The following CARNS1 variants were observed in gnomAD, a reference collection of about 807,000 sequenced individuals.
CARNS1 encodes the protein carnosine synthase 1, also known as ATP-grasp domain containing 1.
Under a neutral mutation model 74.0 loss-of-function variants are expected in CARNS1, and 61 were observed. That is an observed-to-expected ratio of 0.82 (90% CI 0.67 to 1.02). The LOEUF is 1.02. Among genes scored for constraint, CARNS1 ranks in the 50% least tolerant of loss-of-function variants. The pLI, the probability that CARNS1 is intolerant of heterozygous loss-of-function variation, is 0.00. For missense variants in CARNS1, 1,278 were observed against 1,308.4 expected, an observed-to-expected ratio of 0.98 and a Z score of 0.36; for synonymous variants, 568 against 605.5, an observed-to-expected ratio of 0.94 and a Z score of 0.91.
rs183572582 is a variant in CARNS1, at chr11:67,417,784, G to T, written c.274+107G>T. The T allele has an allele frequency of 8.6e-6, 7 of 814,504 alleles. No homozygotes were observed. The African/African-American group carries it at 1.1e-4, about 12-fold the overall frequency. 50.5% of individuals were successfully genotyped at this position (814,504 alleles called of 1,614,324 possible). ...AGGTCGGCCCCTTCCCCTAGGCTCT[G>T]GTTCCATCTGAAGGCAGGGAAGGCA... On this transcript the variant is annotated intron_variant, in intron 3 of 9. Transcript: ENST00000687366.
chr11:67,424,632 T>G lies in CARNS1; in HGVS notation c.*31T>G, dbSNP rs1331382068. ...GGGTCAGGGGGCAGGGAAGCAGTGCTGGGTGGAGGCACTGTGGTGCCCTCT... is the reference window on the plus strand; with the variant it reads ...GGGTCAGGGGGCAGGGAAGCAGTGCGGGGTGGAGGCACTGTGGTGCCCTCT... On this transcript the variant is annotated 3_prime_UTR_variant, in exon 10 of 10. Transcript: ENST00000687366. 1 of 1,574,070 alleles carries G rather than the reference T, an allele frequency of 6.4e-7. No individual in the cohort carries two copies. Among genetic ancestry groups the G allele is most frequent in the Non-Finnish European group, 8.6e-7 (1 of 1,160,476 alleles).
chr11:67,422,201 T>TTTTTTA (rs1863727905), intron 9 of CARNS1, among the ~76,000 whole-genome samples: 1 of 130,764 alleles, frequency 7.6e-6, no homozygotes, highest in African/African-American at 2.9e-5. Flanking sequence ...TTTTTTTTTT[T>TTTTTTA]AATACGGAGT....
At position 67,424,377 on chromosome 11, in the gene CARNS1, G is replaced by A. The variant is rs766906214; in HGVS notation, c.2629G>A (p.Ala877Thr). 28 of 1,594,818 alleles carry A rather than the reference G, an allele frequency of 1.8e-5. No individual in the cohort carries two copies. In the East Asian group the frequency reaches 2.5e-4, roughly 14 times the overall value. The change falls in exon 10 of 10, where the codon GCC (alanine) becomes ACC (threonine). Residue 877 changes from alanine to threonine, a missense_variant. Physicochemically the swap from Ala to Thr is moderately conservative, Grantham distance 58. Transcript: ENST00000687366. ...SQHLQALSST[A>T]SRETLQALHD... ...GCACCTGCAGGCCCTGAGTTCCACC[G>A]CCAGCCGTGAGACCCTGCAGGCCCT...
chr11:67,415,918 C>A (rs1035620760), intron 1 of CARNS1, among the ~76,000 whole-genome samples, 155 bp downstream of exon 1: 4 of 151,988 alleles, frequency 2.6e-5, no homozygotes, highest in Non-Finnish European at 4.4e-5. Context: ...CAACTCCCCC[C>A]CGCGCTGGAG....
At chr11:67,422,924 T>C (rs1054937025) in intron 9 of CARNS1, among the ~76,000 whole-genome samples, 1 of 152,238 alleles carries the variant, frequency 6.6e-6, no homozygotes, top group African/African-American at 2.4e-5. Flanking sequence ...GATTCCTCCG[T>C]GGACACTTCC....
intron 7 of CARNS1, 119 bp downstream of exon 7, chr11:67,419,957 G>T: frequency 2.0e-6 from 2 of 1,010,320 alleles, no homozygotes; most frequent in Non-Finnish European, 2.9e-6. Context: ...ATCCTTAGGG[G>T]GGTCGTAGTT....
At position 67,424,505 on chromosome 11, in the gene CARNS1, C is replaced by T; in HGVS notation, c.2757C>T (p.Pro919=). The T allele has an allele frequency of 6.3e-7, 1 of 1,589,900 alleles. No homozygotes were observed. The highest frequency in any genetic ancestry group is 1.1e-5 in the South Asian group (1 of 87,916). ...YCSVACAGPS[P]TEARLRLLGL... is the part of the protein sequence containing the mutation. Reference sequence around the variant, plus strand: ...GTGTGGCCTGTGCCGGACCCAGCCCCACCGAGGCCCGTCTCCGCCTGCTGG... The same window carrying T: ...GTGTGGCCTGTGCCGGACCCAGCCCTACCGAGGCCCGTCTCCGCCTGCTGG... Residue 919 remains proline (P), a synonymous_variant, in exon 10 of 10, where the codon CCC becomes CCT. Transcript: ENST00000687366.
chr11:67,418,366 T>G, intron 3 of CARNS1, 65 bp from the exon 4 acceptor site: 2 of 1,199,830 alleles, frequency 1.7e-6, no homozygotes, highest in South Asian at 1.7e-5. Flanking sequence ...GTGGAGGTGG[T>G]GGAAGGTGGG....
At position 67,423,796 on chromosome 11, in the gene CARNS1, T is replaced by G; in HGVS notation, c.2048T>G (p.Val683Gly). The change falls in exon 10 of 10, where the codon GTG becomes GGG. Residue 683 changes from valine to glycine, a missense_variant. Coordinates refer to ENST00000687366, the MANE Select transcript of CARNS1 (RefSeq NM_001166222.2). The surrounding 1 kb of genome is among the most constrained non-coding windows in gnomAD (Gnocchi z 5.1). ...VMKLEFGAGA[V>G]GVRLVEDAPQ... is the part of the protein sequence containing the mutation. Reference sequence around the variant, plus strand: ...AAGCTGGAGTTCGGGGCAGGTGCAGTGGGTGTCCGGCTGGTAGAGGATGCG... The same window carrying G: ...AAGCTGGAGTTCGGGGCAGGTGCAGGGGGTGTCCGGCTGGTAGAGGATGCG... The G allele has an allele frequency of 6.2e-7, 1 of 1,603,788 alleles. No homozygotes were observed.
chr11:67,417,017 A>G (rs1863560645), intron 2 of CARNS1: 1 of 1,008,136 alleles, frequency 9.9e-7, no homozygotes, highest in East Asian at 9.6e-5. Flanking sequence ...TCTTCAGTCA[A>G]CAAACACTTA....
intron 9 of CARNS1, among the ~76,000 whole-genome samples, chr11:67,422,264 A>G (rs1190904791): frequency 7.2e-6 from 1 of 139,292 alleles, no homozygotes; most frequent in Non-Finnish European, 1.5e-5. Context: ...GCCCATTGCA[A>G]CCTCTGCCTC....
intron 8 of CARNS1, 36 bp downstream of exon 8, chr11:67,420,876 G>A (rs542241181): frequency 2.3e-6 from 3 of 1,291,022 alleles, no homozygotes; most frequent in Admixed American, 4.3e-5. Flanking sequence ...GCCGGGAGCC[G>A]AGGGCCAGGG....
chr11:67,417,560 T>G lies in CARNS1; in HGVS notation c.157T>G (p.Ser53Ala). 1 of 1,383,654 alleles carries G rather than the reference T, an allele frequency of 7.2e-7. No homozygotes were observed. Among genetic ancestry groups the G allele is most frequent in the African/African-American group, 1.5e-5 (1 of 66,708 alleles). The allele number at this position is 1,383,654 out of a possible 1,614,324, so 85.7% of individuals were successfully genotyped here. The change falls in exon 3 of 10, where the codon TCC becomes GCC. Residue 53 changes from serine (S) to alanine (A), a missense_variant. By Grantham distance (99) the Ser-to-Ala change is moderately conservative (BLOSUM62 1). Transcript: ENST00000687366. Reference protein sequence around the residue: ...RQDVGLDCKGSPEGAEARAWT... With the variant: ...RQDVGLDCKGAPEGAEARAWT... ...GGACGTGGGCCTGGACTGCAAGGGA[T>G]CCCCCGAGGGGGCCGAGGCCCGGGC...
intron 2 of CARNS1, 189 bp from the exon 3 acceptor site, chr11:67,417,218 G>A (rs1863564614): frequency 3.2e-6 from 4 of 1,232,474 alleles, no homozygotes; most frequent in Non-Finnish European, 4.0e-6. Flanking sequence ...AGTTTACAAA[G>A]CACTCCCACG....
chr11:67,421,023 G>A lies in CARNS1; in HGVS notation c.1430G>A (p.Cys477Tyr). Reference protein sequence around the residue: ...ELNGGLCLEACGALEGLWAAP... With the variant: ...ELNGGLCLEAYGALEGLWAAP... ...AACGGCGGCCTGTGTCTGGAGGCGT[G>A]CGGCGCGCTGGAGGGGCTGTGGGCC... is the stretch of plus-strand genomic sequence containing the variant. The change falls in exon 9 of 10, where the codon TGC (cysteine) becomes TAC (tyrosine). Residue 477 changes from cysteine (C) to tyrosine (Y), a missense_variant. Cys to Tyr is a radical substitution (Grantham distance 194). Coordinates refer to ENST00000687366, the MANE Select transcript of CARNS1 (RefSeq NM_001166222.2). The A allele has an allele frequency of 7.3e-7, 1 of 1,374,540 alleles. No homozygotes were observed. Among genetic ancestry groups the A allele is most frequent in the Non-Finnish European group, 9.3e-7 (1 of 1,070,812 alleles). 85.1% of individuals were successfully genotyped at this position (1,374,540 alleles called of 1,614,324 possible).
rs1323408831 is a variant in CARNS1 at position 67,418,760 on chromosome 11, C to T, written c.369C>T (p.Asn123=). 2 of 1,588,272 alleles carry T rather than the reference C, an allele frequency of 1.3e-6. No individual in the cohort carries two copies. Among genetic ancestry groups the T allele is most frequent in the Non-Finnish European group, 1.7e-6 (2 of 1,166,494 alleles). ...ACTTGCCTTCTCTGCCCACAGGAAA[C>T]ATGCTCCTTTGCCTGTCCCCTGCTT... ...LLEGGVQSPG[N]MLLCLSPAWL... The change falls in exon 5 of 10, where the codon AAC becomes AAT. Residue 123 remains asparagine, a synonymous_variant. Coordinates refer to ENST00000687366, the MANE Select transcript of CARNS1 (RefSeq NM_001166222.2).
At position 67,419,543 on chromosome 11, in the gene CARNS1, C is replaced by T. The variant is rs758285713; in HGVS notation, c.909C>T (p.His303=). 1.3e-5 allele frequency: 21 copies of T among 1,608,278 alleles called. No homozygotes were observed. Among genetic ancestry groups the T allele is most frequent in the Non-Finnish European group, 1.8e-5 (21 of 1,178,816 alleles). Residue 303 remains histidine, a synonymous_variant, in exon 6 of 10, where the codon CAC becomes CAT. Coordinates refer to ENST00000687366, the MANE Select transcript of CARNS1 (RefSeq NM_001166222.2). ...RWRGRQAWRL[H]PRAELGAVVD... is the part of the protein sequence containing the mutation. ...GGGGGCGGCAGGCATGGCGTCTGCA[C>T]CCGCGGGCAGAGCTGGGTGCAGTGG...
At chr11:67,416,005 A>G in intron 1 of CARNS1, 171 bp from the exon 2 acceptor site, 1 of 610,560 alleles carries the variant, frequency 1.6e-6, no homozygotes, top group East Asian at 3.0e-5. Flanking sequence ...CGGTCTGGGC[A>G]GCAGAAATCC....
At position 67,421,125 on chromosome 11, in the gene CARNS1, G is replaced by A. The variant is rs986529911; in HGVS notation, c.1532G>A (p.Arg511His). 4.1e-6 allele frequency: 6 copies of A among 1,468,948 alleles called. No homozygotes were observed. Among genetic ancestry groups the A allele is most frequent in the African/African-American group, 1.5e-5 (1 of 67,768 alleles). The allele number at this position is 1,468,948 out of a possible 1,614,324, so 91.0% of individuals were successfully genotyped here. The stretch of plus-strand genomic sequence containing the variant: ...GAGACCATGCTTCGGCGGTCGGCGC[G>A]CTGCCTCATGGAGGGAAAACAGCTG... ...LVETMLRRSA[R>H]CLMEGKQLLV... Residue 511 changes from arginine to histidine, a missense_variant, in exon 9 of 10, where the codon CGC becomes CAC. Arg to His is a conservative substitution (Grantham distance 29). Coordinates refer to ENST00000687366, the MANE Select transcript of CARNS1 (RefSeq NM_001166222.2).
Sources: gnomAD v4.1 joint callset for allele counts (sites outside exome capture counted in the v4.1 genomes callset) on GRCh38, gnomAD v4.1.1 for gene constraint, Gnocchi (gnomAD v3.1) non-coding constraint, MANE v1.5 for transcripts, NCBI Gene and HGNC (gene_info 2026-07-23, HGNC 2026-07-21) for gene names.